Variants in ATOX1 observed in about 807,000 individuals in gnomAD.
ATOX1 encodes antioxidant 1 copper chaperone.
A neutral mutation model predicts 7.3 loss-of-function variants in ATOX1; 4 were observed. The ratio of observed to expected loss-of-function variants is 0.55; its 90% CI spans 0.27 to 1.25. The LOEUF is 1.25. Among genes scored for constraint, ATOX1 ranks in the 50% most tolerant of loss-of-function variants. The pLI, the probability that ATOX1 is intolerant of heterozygous loss-of-function variation, is 0.12. For synonymous variants in ATOX1, 25 were observed against 28.7 expected, an observed-to-expected ratio of 0.87 and a Z score of 0.41; for missense variants, 68 against 81.6, an observed-to-expected ratio of 0.83 and a Z score of 0.64.
intron 3 of ATOX1, 145 bp downstream of exon 3, chr5:151,746,134 A>G: frequency 1.5e-6 from 1 of 652,636 alleles, no homozygotes; most frequent in Non-Finnish European, 2.5e-6. Flanking sequence ...AAATATTTGT[A>G]ACCACTCCAA....
intron 2 of ATOX1, among the ~76,000 whole-genome samples, chr5:151,748,761 TG>T (rs1273138897): frequency 6.6e-6 from 1 of 152,012 alleles, no homozygotes; most frequent in African/African-American, 2.4e-5. Flanking sequence ...CTCGGGAGGC[TG>T]GGGCAGGAGA....
At chr5:151,753,002 C>G (rs1761970374) in intron 1 of ATOX1, among the ~76,000 whole-genome samples, 1 of 152,176 alleles carries the variant, frequency 6.6e-6, no homozygotes, top group South Asian at 2.1e-4. Flanking sequence ...CTGAAGCTAT[C>G]ACAATGTCAT....
chr5:151,754,980 C>CA (rs79359321), intron 1 of ATOX1, among the ~76,000 whole-genome samples: 4,346 of 47,024 alleles, frequency 0.092, 152 homozygotes, highest in African/African-American at 0.18. Context: ...AGACACCGTC[C>CA]AAAAAAAAAA....
chr5:151,744,217 G>A (rs765593601), intron 3 of ATOX1: 2 of 152,108 alleles, frequency 1.3e-5, no homozygotes, highest in African/African-American at 4.8e-5. Context: ...AAAAAATTTT[G>A]AAACTAGAGA....
At chr5:151,752,804 G>A (rs551172343) in intron 1 of ATOX1, among the ~76,000 whole-genome samples, 1 of 152,152 alleles carries the variant, frequency 6.6e-6, no homozygotes, top group Non-Finnish European at 1.5e-5. Flanking sequence ...GAAAATTGAG[G>A]GTAAGAGTCC....
intron 1 of ATOX1, chr5:151,752,176 G>T: frequency 1.4e-6 from 1 of 692,080 alleles, no homozygotes; most frequent in East Asian, 2.7e-5. Flanking sequence ...ATGCTGATCT[G>T]GTGGGCCCAC....
chr5:151,750,640 CTTTCTT>C (rs1761937791), intron 2 of ATOX1, among the ~76,000 whole-genome samples: 1 of 103,048 alleles, frequency 9.7e-6, no homozygotes, highest in African/African-American at 3.4e-5. Context: ...TCCTTTTTTT[CTTTCTT>C]TTTTTTTTTT....
intron 1 of ATOX1, chr5:151,752,501 C>CA (rs1304797983): frequency 1.6e-6 from 1 of 627,368 alleles, no homozygotes; most frequent in African/African-American, 1.8e-5. Context: ...TCCCAGAAGA[C>CA]AGAGGTTTTG....
At chr5:151,745,101 A>G (rs1001435237) in intron 3 of ATOX1, 4 of 152,232 alleles carry the variant, frequency 2.6e-5, no homozygotes, top group Non-Finnish European at 5.9e-5. Context: ...TGCATCTGAC[A>G]TCTTGTAACT....
chr5:151,746,675 A>G (rs1167246454), intron 2 of ATOX1: 1 of 448,596 alleles, frequency 2.2e-6, no homozygotes, highest in East Asian at 4.6e-5. Context: ...TTATAACTCT[A>G]TTCCTGAACA....
intron 1 of ATOX1, among the ~76,000 whole-genome samples, chr5:151,755,938 CT>C (rs914215313): frequency 0.034 from 4,066 of 118,414 alleles, 76 homozygotes; most frequent in African/African-American, 0.11. Context: ...TGGGATGATT[CT>C]TTTTTTTTTT....
intron 2 of ATOX1, among the ~76,000 whole-genome samples, chr5:151,751,347 T>C (rs1026535825): frequency 1.3e-5 from 2 of 151,860 alleles, no homozygotes; most frequent in Admixed American, 6.6e-5. Context: ...TATGAACTAG[T>C]ACTGCCATGG....
chr5:151,752,019 C>G (rs1761957241), intron 1 of ATOX1: 1 of 598,874 alleles, frequency 1.7e-6, no homozygotes. Flanking sequence ...TTAGCAGTGT[C>G]TGGCACATAG....
chr5:151,756,421 C>T (rs191465270), intron 1 of ATOX1, among the ~76,000 whole-genome samples: 20 of 151,250 alleles, frequency 1.3e-4, no homozygotes, highest in Admixed American at 7.9e-4. Context: ...GTTTTCTCTT[C>T]TCTTCTCTTC....
rs1761951818 is a variant in ATOX1, at chr5:151,751,741, A to T, written c.45T>A (p.Cys15Ter). The T allele has an allele frequency of 6.2e-7, 1 of 1,609,700 alleles. No homozygotes were observed. The highest frequency in any genetic ancestry group is 1.3e-5 in the African/African-American group (1 of 74,838). ...EFSVDMTCGG[C>*]AEAVSRVLNK... ...TGAGGACCCGAGAGACAGCTTCAGC[A>T]CAGCCTCCACAGGTCATGTCCACAG... The change falls in exon 2 of 4, where the codon TGT becomes TGA. Residue 15 changes from cysteine (C) to a stop codon, truncating the protein, a stop_gained. Transcript: ENST00000313115. LOFTEE classifies it high-confidence loss of function.
chr5:151,756,231 C>T (rs141992925), intron 1 of ATOX1, among the ~76,000 whole-genome samples: 6 of 152,042 alleles, frequency 3.9e-5, no homozygotes, highest in East Asian at 1.9e-4. Flanking sequence ...CATTACCCGC[C>T]GCACCTGGCC....
rs189308203 is a variant in ATOX1 at position 151,748,896 on chromosome 5, C to T, written c.83-2447G>A. On this transcript the variant is annotated intron_variant, in intron 2 of 3. Transcript: ENST00000313115. The stretch of plus-strand genomic sequence containing the variant: ...AACAAACAAACAAAACATATGGTTT[C>T]CCAGCCTGCATAACAAAGCAAGACC... Among the ~76,000 whole-genome samples, 6 of 151,748 alleles carry T rather than the reference C, an allele frequency of 4.0e-5. No homozygotes were observed. In the East Asian group the frequency reaches 9.7e-4, roughly 24 times the overall value.
At chr5:151,747,269 CTTTA>C (rs1456090063) in intron 2 of ATOX1, among the ~76,000 whole-genome samples, 14 of 151,918 alleles carry the variant, frequency 9.2e-5, no homozygotes, top group African/African-American at 2.9e-4. Flanking sequence ...TTACTTTTCT[CTTTA>C]TTTATTCATT....
At chr5:151,750,168 C>G in intron 2 of ATOX1, among the ~76,000 whole-genome samples, 1 of 152,232 alleles carries the variant, frequency 6.6e-6, no homozygotes, top group East Asian at 1.9e-4. Context: ...CACTGAGTCC[C>G]AGGACCAGAT....
Sources: allele counts gnomAD v4.1 joint callset (sites outside exome capture counted in the v4.1 genomes callset), GRCh38; gene constraint gnomAD v4.1.1; transcripts MANE v1.5; gene names NCBI Gene and HGNC (gene_info 2026-07-23, HGNC 2026-07-21).